FAM185A: variants seen among roughly 807,000 people sequenced by gnomAD.
The protein encoded by FAM185A is family with sequence similarity 185 member A.
FAM185A carries 21 observed loss-of-function variants against 45.7 expected under a neutral mutation model. That is an observed-to-expected ratio of 0.46 (90% CI 0.33 to 0.66). The LOEUF (loss-of-function observed/expected upper bound fraction) is 0.66, where lower values mean the gene tolerates loss of function less well. Among genes scored for constraint, FAM185A ranks in the 30% least tolerant of loss-of-function variants. The probability of loss-of-function intolerance (pLI) is 0.03; values close to 1 mark genes in which losing one functional copy is unlikely to be tolerated. For missense variants in FAM185A, 305 were observed against 485.4 expected (o/e 0.63, Z 3.49); for synonymous variants, 117 against 194.0 (o/e 0.60, Z 3.30).
At chr7:102,834,090 G>GGAAGGAAGGAAGGAAGGAAGGAAGGA in the FAM185A span, among the ~76,000 whole-genome samples, 1 of 70,490 alleles carries the variant, frequency 1.4e-5, no homozygotes, top group East Asian at 3.8e-4. Context: ...GGAAAGAAAA[G>GGAAGGAAGGAAGGAAGGAAGGAAGGA]AAAGAAAGAA....
chr7:102,784,701 C>A (rs977335382), intron 6 of FAM185A, among the ~76,000 whole-genome samples: 7 of 152,084 alleles, frequency 4.6e-5, no homozygotes, highest in African/African-American at 9.7e-5. Context: ...TAAGAGCTAT[C>A]TATGACAAAC....
the FAM185A span, among the ~76,000 whole-genome samples, chr7:102,824,677 G>C: frequency 1.3e-5 from 2 of 151,826 alleles, no homozygotes; most frequent in Non-Finnish European, 1.5e-5. Context: ...GTAGAGACAG[G>C]GTTTTACCAT....
the FAM185A span, among the ~76,000 whole-genome samples, chr7:102,831,394 G>GACACACACACACACAC: frequency 8.5e-5 from 12 of 141,652 alleles, no homozygotes; most frequent in African/African-American, 3.2e-4. Context: ...CAGTGCCCGG[G>GACACACACACACACAC]ACACACACAC....
chr7:102,814,678 C>T, the FAM185A span, among the ~76,000 whole-genome samples: 1 of 152,172 alleles, frequency 6.6e-6, no homozygotes, highest in African/African-American at 2.4e-5. Flanking sequence ...TTATCATATA[C>T]TAATTCCTAG....
At chr7:102,778,423 AAAGAG>A (rs1243812874) in intron 6 of FAM185A, among the ~76,000 whole-genome samples, 1 of 152,308 alleles carries the variant, frequency 6.6e-6, no homozygotes, top group Admixed American at 6.5e-5. Flanking sequence ...ACAAAGATCC[AAAGAG>A]AAGAGGGATA....
At chr7:102,815,834 A>G in the FAM185A span, among the ~76,000 whole-genome samples, 1 of 152,156 alleles carries the variant, frequency 6.6e-6, no homozygotes, top group African/African-American at 2.4e-5. Flanking sequence ...GTCAGCTACA[A>G]GCCAGGGTAA....
the FAM185A span, among the ~76,000 whole-genome samples, chr7:102,835,221 T>A: frequency 6.6e-6 from 1 of 152,186 alleles, no homozygotes; most frequent in South Asian, 2.1e-4. Context: ...CTGTACTGCA[T>A]GAAAGTCTGT....
At chr7:102,788,290 T>TA (rs1562869528) in intron 7 of FAM185A, among the ~76,000 whole-genome samples, 1 of 152,050 alleles carries the variant, frequency 6.6e-6, no homozygotes, top group Non-Finnish European at 1.5e-5. Context: ...TTTTAATGAA[T>TA]AAAAAAATTA....
At chr7:102,826,794 TAATA>T in the FAM185A span, among the ~76,000 whole-genome samples, 3 of 127,094 alleles carry the variant, frequency 2.4e-5, no homozygotes, top group South Asian at 2.4e-4. Context: ...TCTAATATAT[TAATA>T]TATATCTAAT....
the FAM185A span, among the ~76,000 whole-genome samples, chr7:102,830,278 C>T: frequency 6.6e-6 from 1 of 152,206 alleles, no homozygotes; most frequent in Non-Finnish European, 1.5e-5. Flanking sequence ...TTTCTTTTCT[C>T]ATTCTCCTAC....
chr7:102,790,789 T>C (rs1219540350), intron 7 of FAM185A, among the ~76,000 whole-genome samples: 2 of 152,246 alleles, frequency 1.3e-5, no homozygotes, highest in Non-Finnish European at 2.9e-5. Context: ...TAAAACTTAA[T>C]GTTTAAAAAC....
chr7:102,828,556 T>C, the FAM185A span, among the ~76,000 whole-genome samples: 3 of 152,322 alleles, frequency 2.0e-5, no homozygotes, highest in Non-Finnish European at 4.4e-5. Context: ...GTCTGTAGAA[T>C]TGGGATGAAG....
intron 7 of FAM185A, among the ~76,000 whole-genome samples, chr7:102,800,705 A>G (rs1796736838): frequency 6.6e-6 from 1 of 152,154 alleles, no homozygotes; most frequent in African/African-American, 2.4e-5. Context: ...AGAAGAAAAT[A>G]TGAACAAAGC....
At chr7:102,765,342 T>C (rs1794324756) in intron 4 of FAM185A, among the ~76,000 whole-genome samples, 1 of 152,176 alleles carries the variant, frequency 6.6e-6, no homozygotes. Context: ...CCATACAGTG[T>C]TTGGGCTTAG....
At chr7:102,784,046 C>T (rs1195059182) in intron 6 of FAM185A, among the ~76,000 whole-genome samples, 1 of 152,226 alleles carries the variant, frequency 6.6e-6, no homozygotes, top group Non-Finnish European at 1.5e-5. Flanking sequence ...TCAGAGAATA[C>T]TATAAACACC....
intron 7 of FAM185A, among the ~76,000 whole-genome samples, chr7:102,791,911 T>C (rs1796164087): frequency 6.6e-6 from 1 of 152,146 alleles, no homozygotes; most frequent in African/African-American, 2.4e-5. Flanking sequence ...GGCAGATTGC[T>C]TTTTTCTGTG....
chr7:102,818,999 C>CTG, the FAM185A span, among the ~76,000 whole-genome samples: 1 of 152,074 alleles, frequency 6.6e-6, no homozygotes, highest in African/African-American at 2.4e-5. Flanking sequence ...TCCCATCCAT[C>CTG]TGTCCATGTG....
the FAM185A span, among the ~76,000 whole-genome samples, chr7:102,814,651 A>C: frequency 1.3e-5 from 2 of 152,252 alleles, no homozygotes; most frequent in African/African-American, 4.8e-5. Flanking sequence ...CTTAAAGAAC[A>C]AATTGAGTAA....
At chr7:102,761,907 A>C (rs1794131124) in intron 4 of FAM185A, among the ~76,000 whole-genome samples, 1 of 151,966 alleles carries the variant, frequency 6.6e-6, no homozygotes, top group Non-Finnish European at 1.5e-5. Context: ...CAAGCGACCC[A>C]CCCCCTTGGC....
Sources: allele counts gnomAD v4.1 joint callset (sites outside exome capture counted in the v4.1 genomes callset), GRCh38; gene constraint gnomAD v4.1.1; transcripts MANE v1.5; gene names NCBI Gene and HGNC (gene_info 2026-07-23, HGNC 2026-07-21).